LINGO2: variants seen among roughly 807,000 people sequenced by gnomAD.
LINGO2 encodes the protein leucine rich repeat and Ig domain containing 2.
LINGO2 carries 14 observed loss-of-function variants against 30.6 expected under a neutral mutation model. That is an observed-to-expected ratio of 0.46 (90% confidence interval 0.30 to 0.72). LINGO2 has a LOEUF of 0.72. LINGO2 is among the 30% of genes least tolerant of loss of function. The pLI is 0.07. For synonymous variants in LINGO2, 317 were observed against 288.5 expected, an observed-to-expected ratio of 1.10 and a Z score of -1.00; for missense variants, 729 against 751.7, an observed-to-expected ratio of 0.97 and a Z score of 0.35.
chr9:28,478,752 T>G (rs1401179658), intron 1 of LINGO2, among the ~76,000 whole-genome samples: 3 of 152,116 alleles, frequency 2.0e-5, no homozygotes, highest in Non-Finnish European at 2.9e-5. Flanking sequence ...TTCTCTTACT[T>G]ACTTTGTAAT....
chr9:28,396,797 T>C (rs1007106058), intron 2 of LINGO2, among the ~76,000 whole-genome samples: 9 of 150,602 alleles, frequency 6.0e-5, no homozygotes, highest in Admixed American at 2.0e-4. Flanking sequence ...CAACAAGTGC[T>C]CTGAGAGAGA....
the LINGO2 span, among the ~76,000 whole-genome samples, chr9:28,720,535 T>C: frequency 6.6e-6 from 1 of 152,086 alleles, no homozygotes; most frequent in Admixed American, 6.6e-5. Context: ...GGAATTCATA[T>C]GTGTAAAAAA....
In LINGO2 at chr9:28,130,606, T is replaced by C. The variant is rs1008720076; in HGVS notation, c.-86-118201A>G. Among the ~76,000 whole-genome samples the C allele has an allele frequency of 2.6e-5, 4 of 152,212 alleles. No homozygotes were observed. The highest frequency in any genetic ancestry group is 9.6e-5 in the African/African-American group (4 of 41,548). ...CACCTACATGTAAAGATATAACCAA[T>C]GTTATCAGAAAGCACATCATAAAAG... On this transcript the variant is annotated intron_variant, in intron 4 of 5. Transcript: ENST00000379992. The surrounding 1 kb of genome is among the most constrained non-coding windows in gnomAD (Gnocchi z 5.2).
chr9:28,003,527 C>T (rs770159911), intron 5 of LINGO2, among the ~76,000 whole-genome samples: 48 of 152,070 alleles, frequency 3.2e-4, no homozygotes, highest in Non-Finnish European at 4.9e-4. Flanking sequence ...GGCACAATCT[C>T]GGCTCACTGC....
chr9:28,332,489 G>A (rs1265616342), intron 3 of LINGO2, among the ~76,000 whole-genome samples: 3 of 151,854 alleles, frequency 2.0e-5, no homozygotes, highest in Non-Finnish European at 4.4e-5. Flanking sequence ...ATTTTGTGGT[G>A]AAAATTTCTT....
At position 28,261,551 on chromosome 9, in the gene LINGO2, A is replaced by G. The variant is rs557541955; in HGVS notation, c.-87+33657T>C. On this transcript the variant is annotated intron_variant, in intron 4 of 5. Transcript: ENST00000379992. The stretch of plus-strand genomic sequence containing the variant: ...ATAAATTTGGCACGTAGTCCTTTCT[A>G]TACTCCTAATAAGATACCTTTAGAT... 5.9e-5 allele frequency among the ~76,000 whole-genome samples: 9 copies of G among 152,044 alleles called. No individual in the cohort carries two copies. In the South Asian group the frequency reaches 1.7e-3, roughly 28 times the overall value.
intron 4 of LINGO2, among the ~76,000 whole-genome samples, chr9:28,211,713 C>T (rs188859924): frequency 6.6e-6 from 1 of 151,568 alleles, no homozygotes; most frequent in African/African-American, 2.4e-5. Flanking sequence ...GATTCACACT[C>T]TCTCTCTTTC....
At chr9:28,984,432 T>TC in the LINGO2 span, among the ~76,000 whole-genome samples, 8 of 152,102 alleles carry the variant, frequency 5.3e-5, no homozygotes, top group African/African-American at 1.9e-4. Context: ...ACTTTTTTTT[T>TC]CTTACCTCCC....
the LINGO2 span, among the ~76,000 whole-genome samples, chr9:28,742,703 ATATT>A: frequency 6.6e-6 from 1 of 151,930 alleles, no homozygotes; most frequent in Non-Finnish European, 1.5e-5. Flanking sequence ...GAACTACTAG[ATATT>A]TATATGTTAG....
At chr9:28,444,761 C>T (rs1824356703) in intron 2 of LINGO2, among the ~76,000 whole-genome samples, 1 of 152,224 alleles carries the variant, frequency 6.6e-6, no homozygotes, top group Admixed American at 6.5e-5. Flanking sequence ...GCTGCCCACC[C>T]CACTGCAGCA....
At chr9:28,207,349 C>T (rs187510264) in intron 4 of LINGO2, among the ~76,000 whole-genome samples, 1 of 151,996 alleles carries the variant, frequency 6.6e-6, no homozygotes, top group Non-Finnish European at 1.5e-5. Flanking sequence ...TCTTAAAATA[C>T]CAATCTCACA....
At chr9:29,004,757 C>T in the LINGO2 span, among the ~76,000 whole-genome samples, 6 of 151,888 alleles carry the variant, frequency 4.0e-5, no homozygotes, top group Admixed American at 6.6e-5. Flanking sequence ...TTCACATCTA[C>T]GCAGACACAC....
chr9:28,472,749 A>G (rs78767478), intron 2 of LINGO2, among the ~76,000 whole-genome samples: 2,479 of 151,738 alleles, frequency 0.016, 62 homozygotes, highest in African/African-American at 0.056. Context: ...TTCTCTCATT[A>G]TTTTCATAGT....
At chr9:28,496,083 T>G (rs1329247532) in intron 1 of LINGO2, among the ~76,000 whole-genome samples, 1 of 151,374 alleles carries the variant, frequency 6.6e-6, no homozygotes, top group Non-Finnish European at 1.5e-5. Context: ...CTTCCAACTA[T>G]GTAGTCAATT....
chr9:28,851,531 A>G, the LINGO2 span, among the ~76,000 whole-genome samples: 1 of 152,058 alleles, frequency 6.6e-6, no homozygotes, highest in Non-Finnish European at 1.5e-5. Context: ...TTTGCCATGT[A>G]AAGTAACATA....
chr9:28,992,237 T>C, the LINGO2 span, among the ~76,000 whole-genome samples: 1 of 151,552 alleles, frequency 6.6e-6, no homozygotes, highest in Non-Finnish European at 1.5e-5. Context: ...TAAAACAGAC[T>C]TTAAACCAAC....
At chr9:28,671,159 A>C (rs1202808487), upstream of LINGO2, among the ~76,000 whole-genome samples, 4 of 152,014 alleles carry the variant, frequency 2.6e-5, no homozygotes, top group African/African-American at 9.7e-5. Flanking sequence ...CAAGCCTCAC[A>C]CATGTTAAAT....
intron 4 of LINGO2, among the ~76,000 whole-genome samples, chr9:28,076,240 T>C (rs1280127725): frequency 1.3e-5 from 2 of 152,128 alleles, no homozygotes; most frequent in East Asian, 3.9e-4. Flanking sequence ...TGAAAATATG[T>C]TTGGTTGATC....
intron 1 of LINGO2, among the ~76,000 whole-genome samples, chr9:28,637,793 C>T (rs1827357034): frequency 6.6e-6 from 1 of 152,100 alleles, no homozygotes; most frequent in Non-Finnish European, 1.5e-5. Context: ...TTCCTCTTTT[C>T]CTAATTGAAT....
Sources: gnomAD v4.1 joint callset for allele counts (sites outside exome capture counted in the v4.1 genomes callset) on GRCh38, gnomAD v4.1.1 for gene constraint, Gnocchi (gnomAD v3.1) non-coding constraint, MANE v1.5 for transcripts, NCBI Gene and HGNC (gene_info 2026-07-23, HGNC 2026-07-21) for gene names.